KLHL29: variants seen among roughly 807,000 people sequenced by gnomAD.
The protein encoded by KLHL29 is kelch like family member 29.
KLHL29 carries 21 observed loss-of-function variants against 80.4 expected under a neutral mutation model. That is an observed-to-expected ratio of 0.26 (90% CI 0.19 to 0.38). The LOEUF (loss-of-function observed/expected upper bound fraction) is 0.38. KLHL29 is among the 10% of genes least tolerant of loss of function. KLHL29 has a pLI of 1.00. For missense variants in KLHL29, 867 were observed against 1,223.9 expected (o/e 0.71, Z 4.35); for synonymous variants, 511 against 526.8 (o/e 0.97, Z 0.41).
At chr2:23,530,999 G>A (rs1666473257) in intron 2 of KLHL29, among the ~76,000 whole-genome samples, 2 of 152,248 alleles carry the variant, frequency 1.3e-5, no homozygotes, top group South Asian at 4.1e-4. Context: ...TTAACTGGGT[G>A]TGTGGCCTCA....
At chr2:23,433,659 A>G (rs1663249586) in intron 1 of KLHL29, among the ~76,000 whole-genome samples, 1 of 152,184 alleles carries the variant, frequency 6.6e-6, no homozygotes, top group African/African-American at 2.4e-5. Flanking sequence ...TACACTTGTA[A>G]TCCCAGCACT....
chr2:23,576,892 T>C (rs1667856230), intron 3 of KLHL29, among the ~76,000 whole-genome samples: 1 of 152,284 alleles, frequency 6.6e-6, no homozygotes, highest in East Asian at 1.9e-4. Context: ...GGCAAAGACT[T>C]GAGCCTTGAT....
chr2:23,557,859 C>A (rs865930549), intron 2 of KLHL29, among the ~76,000 whole-genome samples: 4 of 152,274 alleles, frequency 2.6e-5, no homozygotes, highest in Middle Eastern at 3.4e-3. Flanking sequence ...TCAGTCAGGC[C>A]AGGCTAGGCT....
intron 2 of KLHL29, among the ~76,000 whole-genome samples, chr2:23,499,974 T>C (rs1257031615): frequency 1.3e-5 from 2 of 152,220 alleles, no homozygotes; most frequent in African/African-American, 4.8e-5. Context: ...TGCTTTGGTT[T>C]TAGCGTTGTG....
intron 3 of KLHL29, among the ~76,000 whole-genome samples, chr2:23,616,305 G>A (rs561827101): frequency 1.2e-4 from 18 of 152,280 alleles, no homozygotes; most frequent in East Asian, 1.2e-3. Flanking sequence ...GAAAGGCTGC[G>A]GAGGTTGTGG....
intron 3 of KLHL29, among the ~76,000 whole-genome samples, chr2:23,591,663 G>A (rs972774424): frequency 7.9e-5 from 12 of 152,178 alleles, no homozygotes; most frequent in African/African-American, 2.4e-4. Context: ...GTCCTCGCCC[G>A]GTCTCCTCTG....
intron 1 of KLHL29, among the ~76,000 whole-genome samples, chr2:23,464,832 T>C (rs1330059528): frequency 6.6e-6 from 1 of 152,188 alleles, no homozygotes; most frequent in Non-Finnish European, 1.5e-5. Flanking sequence ...TTTTCCCACC[T>C]CTTCTCTTAA....
At chr2:23,450,396 C>T (rs1663841780) in intron 1 of KLHL29, among the ~76,000 whole-genome samples, 1 of 152,042 alleles carries the variant, frequency 6.6e-6, no homozygotes, top group Non-Finnish European at 1.5e-5. Context: ...TATTTAATAA[C>T]CTTATAGGGC....
chr2:23,586,061 G>A (rs1054293779), intron 3 of KLHL29, among the ~76,000 whole-genome samples: 1 of 152,072 alleles, frequency 6.6e-6, no homozygotes. Flanking sequence ...CCTCTGGGGA[G>A]GCTTAACTAT....
At chr2:23,672,128 G>C (rs1670781661) in intron 5 of KLHL29, 1 of 152,282 alleles carries the variant, frequency 6.6e-6, no homozygotes, top group South Asian at 2.1e-4. Context: ...CACTGTCTTT[G>C]CATTCCTTCC....
chr2:23,433,501 G>A (rs901727164), intron 1 of KLHL29, among the ~76,000 whole-genome samples: 2 of 146,476 alleles, frequency 1.4e-5, no homozygotes, highest in South Asian at 2.2e-4. Flanking sequence ...GGCACCTGTG[G>A]GACATTGGTC....
At chr2:23,608,127 A>G (rs186783622) in intron 3 of KLHL29, among the ~76,000 whole-genome samples, 1 of 152,352 alleles carries the variant, frequency 6.6e-6, no homozygotes, top group African/African-American at 2.4e-5. Flanking sequence ...CCACACAAAG[A>G]CAGTAATTTC....
chr2:23,579,378 A>G (rs550799892), intron 3 of KLHL29, among the ~76,000 whole-genome samples: 1 of 152,172 alleles, frequency 6.6e-6, no homozygotes, highest in Non-Finnish European at 1.5e-5. Flanking sequence ...GGTATCTGCC[A>G]GAACCTCAGA....
At chr2:23,443,875 G>C (rs1220376417) in intron 1 of KLHL29, among the ~76,000 whole-genome samples, 1 of 152,190 alleles carries the variant, frequency 6.6e-6, no homozygotes, top group African/African-American at 2.4e-5. Flanking sequence ...CTTTGGCAAG[G>C]AGCAGATATG....
intron 1 of KLHL29, among the ~76,000 whole-genome samples, chr2:23,416,935 G>A (rs72776724): frequency 0.034 from 5,233 of 152,238 alleles, 144 homozygotes; most frequent in Non-Finnish European, 0.053. Context: ...ATACTCCACA[G>A]GCACCTCCAT....
chr2:23,606,123 G>A (rs1572433567), intron 3 of KLHL29, among the ~76,000 whole-genome samples: 1 of 151,610 alleles, frequency 6.6e-6, no homozygotes, highest in Non-Finnish European at 1.5e-5. Context: ...CAGGTGGGGG[G>A]ATCATTCCGT....
chr2:23,632,165 G>T (rs1340143530), intron 3 of KLHL29, among the ~76,000 whole-genome samples: 1 of 152,188 alleles, frequency 6.6e-6, no homozygotes, highest in Non-Finnish European at 1.5e-5. Flanking sequence ...AGCCCTCCCT[G>T]TGTGATCTTG....
At chr2:23,482,616 C>G (rs1318375355) in intron 2 of KLHL29, among the ~76,000 whole-genome samples, 1 of 152,262 alleles carries the variant, frequency 6.6e-6, no homozygotes, top group African/African-American at 2.4e-5. Flanking sequence ...ATGGACTTCT[C>G]TCCTGTAGGG....
intron 2 of KLHL29, among the ~76,000 whole-genome samples, chr2:23,558,921 G>A (rs1667369419): frequency 1.3e-5 from 2 of 152,256 alleles, no homozygotes; most frequent in Admixed American, 1.3e-4. Context: ...AGTTGCCGGG[G>A]TCACACAGAG....
Sources: gnomAD v4.1 joint callset for allele counts (sites outside exome capture counted in the v4.1 genomes callset) on GRCh38, gnomAD v4.1.1 for gene constraint, MANE v1.5 for transcripts, NCBI Gene and HGNC (gene_info 2026-07-23, HGNC 2026-07-21) for gene names.